RSF1: variants seen among roughly 807,000 people sequenced by gnomAD.
RSF1 encodes remodeling and spacing factor 1.
In RSF1, 13 loss-of-function variants were observed where a neutral mutation model predicts 145.2. That is an observed-to-expected ratio of 0.09 (90% CI 0.06 to 0.14). The LOEUF (loss-of-function observed/expected upper bound fraction) is 0.14. Among genes scored for constraint, RSF1 ranks in the 10% least tolerant of loss-of-function variants. The pLI is 1.00. For synonymous variants in RSF1, 577 were observed against 592.6 expected, an observed-to-expected ratio of 0.97 and a Z score of 0.38; for missense variants, 1,517 against 1,718.2, an observed-to-expected ratio of 0.88 and a Z score of 2.07.
chr11:77,848,552 G>A, the RSF1 span, among the ~76,000 whole-genome samples: 1 of 152,036 alleles, frequency 6.6e-6, no homozygotes, highest in Non-Finnish European at 1.5e-5. Flanking sequence ...TAGAGGTGGG[G>A]TTTCACCATG....
chr11:77,770,933 C>CTG (rs1948276191), intron 1 of RSF1, among the ~76,000 whole-genome samples: 1 of 152,172 alleles, frequency 6.6e-6, no homozygotes, highest in East Asian at 1.9e-4. Context: ...AAGGGATACT[C>CTG]TGCTTATACT....
intron 3 of RSF1, among the ~76,000 whole-genome samples, chr11:77,746,819 T>G (rs1458005659): frequency 6.6e-6 from 1 of 152,196 alleles, no homozygotes; most frequent in East Asian, 1.9e-4. Context: ...CTTGCCCATG[T>G]TATTACTGTC....
At chr11:77,869,306 C>CTTTTTTTTTTTTTTTTTTTTTTTTTTTTT in the RSF1 span, 1 of 120,372 alleles carries the variant, frequency 8.3e-6, no homozygotes, top group Admixed American at 9.1e-5. Context: ...TTATTTATCT[C>CTTTTTTTTTTTTTTTTTTTTTTTTTTTTT]TTTTTCTTTT....
upstream of RSF1, among the ~76,000 whole-genome samples, chr11:77,822,804 A>C (rs914502647): frequency 2.6e-5 from 4 of 152,260 alleles, no homozygotes; most frequent in African/African-American, 9.6e-5. Context: ...CTGATGTAAG[A>C]AATCAAAGTC....
chr11:77,767,262 C>T (rs935789370), intron 1 of RSF1, among the ~76,000 whole-genome samples: 2 of 152,052 alleles, frequency 1.3e-5, no homozygotes, highest in African/African-American at 4.8e-5. Flanking sequence ...ATTGATGTTC[C>T]CCCTTCCCAC....
the RSF1 span, among the ~76,000 whole-genome samples, chr11:77,847,899 T>C: frequency 6.6e-6 from 1 of 152,036 alleles, no homozygotes; most frequent in Non-Finnish European, 1.5e-5. Context: ...AAGGTTTAAA[T>C]CCCAGTCCAA....
At chr11:77,698,141 C>G (rs1402717873) in intron 7 of RSF1, among the ~76,000 whole-genome samples, 1 of 152,098 alleles carries the variant, frequency 6.6e-6, no homozygotes, top group East Asian at 1.9e-4. Context: ...GCCACCATGC[C>G]AGGCAGAAAT....
At chr11:77,840,983 T>C in the RSF1 span, 9 of 508,662 alleles carry the variant, frequency 1.8e-5, no homozygotes, top group African/African-American at 9.4e-5. Context: ...CTGGGTAATT[T>C]AAAATTTATA....
upstream of RSF1, among the ~76,000 whole-genome samples, chr11:77,823,350 CACAAA>C (rs1949019263): frequency 6.7e-6 from 1 of 149,800 alleles, no homozygotes; most frequent in South Asian, 2.1e-4. Context: ...TGAAATGAAA[CACAAA>C]ACTAAACTAA....
At chr11:77,813,443 G>T in intron 1 of RSF1, 1 of 1,218,140 alleles carries the variant, frequency 8.2e-7, no homozygotes, top group Non-Finnish European at 1.2e-6. Flanking sequence ...ATCTGGAAAG[G>T]ATCCCACGTC....
chr11:77,851,730 C>T, the RSF1 span, among the ~76,000 whole-genome samples: 2 of 152,090 alleles, frequency 1.3e-5, no homozygotes, highest in African/African-American at 2.4e-5. Context: ...TCCCACTTCA[C>T]GTTCTGCCAT....
intron 1 of RSF1, among the ~76,000 whole-genome samples, chr11:77,779,828 C>A (rs1201721689): frequency 6.6e-6 from 1 of 152,146 alleles, no homozygotes; most frequent in Non-Finnish European, 1.5e-5. Context: ...TAATGAGTTG[C>A]CAGTTTTTGT....
chr11:77,737,202 C>T (rs1961375121), intron 4 of RSF1, among the ~76,000 whole-genome samples: 1 of 152,042 alleles, frequency 6.6e-6, no homozygotes, highest in Non-Finnish European at 1.5e-5. Flanking sequence ...AATCCCAGCA[C>T]TTTGGGAGGC....
intron 1 of RSF1, among the ~76,000 whole-genome samples, chr11:77,774,617 T>C (rs188098261): frequency 8.3e-6 from 1 of 120,432 alleles, no homozygotes; most frequent in Non-Finnish European, 1.8e-5. Context: ...AATAAATAAA[T>C]AAAATAAAGA....
chr11:77,803,507 A>T (rs185303995), intron 1 of RSF1, among the ~76,000 whole-genome samples: 3 of 148,624 alleles, frequency 2.0e-5, no homozygotes, highest in African/African-American at 7.4e-5. Flanking sequence ...GGCTGGGCAT[A>T]GTGGCTCATG....
chr11:77,677,157 G>A, intron 12 of RSF1, 158 bp from the exon 13 acceptor site: 2 of 622,374 alleles, frequency 3.2e-6, no homozygotes, highest in Non-Finnish European at 5.6e-6. Flanking sequence ...TCAGCTGACA[G>A]AGGTCTCAGA....
At chr11:77,798,581 TAAAAAAA>T (rs543236647) in intron 1 of RSF1, among the ~76,000 whole-genome samples, 26 of 24,482 alleles carry the variant, frequency 1.1e-3, no homozygotes, top group African/African-American at 2.6e-3. Context: ...GACTCCATCT[TAAAAAAA>T]AAAAAAAAAA....
At chr11:77,822,448 A>G (rs1028314950), upstream of RSF1, among the ~76,000 whole-genome samples, 1 of 151,378 alleles carries the variant, frequency 6.6e-6, no homozygotes, top group African/African-American at 2.4e-5. Flanking sequence ...ATTTGAAGCA[A>G]GGTACAACAC....
intron 1 of RSF1, among the ~76,000 whole-genome samples, chr11:77,775,061 G>A (rs1461136549): frequency 3.3e-5 from 5 of 151,566 alleles, no homozygotes; most frequent in African/African-American, 7.3e-5. Context: ...CACTGCGCCC[G>A]GCCGTGAAAC....
Sources: gnomAD v4.1 joint callset for allele counts (sites outside exome capture counted in the v4.1 genomes callset) on GRCh38, gnomAD v4.1.1 for gene constraint, MANE v1.5 for transcripts, NCBI Gene and HGNC (gene_info 2026-07-23, HGNC 2026-07-21) for gene names.